Variants in KAZN observed in about 807,000 individuals in gnomAD.
The protein encoded by KAZN is kazrin.
Under a neutral mutation model 87.4 loss-of-function variants are expected in KAZN, and 40 were observed. The ratio of observed to expected loss-of-function variants is 0.46; its 90% CI spans 0.36 to 0.60. The LOEUF (loss-of-function observed/expected upper bound fraction) is 0.60. Among genes scored for constraint, KAZN ranks in the 20% least tolerant of loss-of-function variants. KAZN has a pLI of 0.00. For synonymous variants in KAZN, 466 were observed against 458.3 expected, an observed-to-expected ratio of 1.02 and a Z score of -0.22; for missense variants, 898 against 1,073.9, an observed-to-expected ratio of 0.84 and a Z score of 2.29.
chr1:14,255,755 G>A (rs1650460738), intron 2 of KAZN, among the ~76,000 whole-genome samples: 1 of 152,204 alleles, frequency 6.6e-6, no homozygotes, highest in African/African-American at 2.4e-5. Context: ...AGAACCCAGT[G>A]ACTGAGGTAG....
intron 1 of KAZN, among the ~76,000 whole-genome samples, chr1:14,701,449 CAA>C (rs781624168): frequency 1.0e-4 from 15 of 150,548 alleles, no homozygotes; most frequent in Non-Finnish European, 2.1e-4. Flanking sequence ...TTTTTAAAAA[CAA>C]GAGCAGTACC....
intron 1 of KAZN, among the ~76,000 whole-genome samples, chr1:14,899,295 C>T (rs536235080): frequency 5.9e-5 from 9 of 152,310 alleles, no homozygotes; most frequent in South Asian, 4.1e-4. Context: ...GTGACGTGTC[C>T]CCTCTGGGCC....
At chr1:14,532,181 G>A (rs991754402) in intron 2 of KAZN, among the ~76,000 whole-genome samples, 2 of 151,918 alleles carry the variant, frequency 1.3e-5, no homozygotes, top group African/African-American at 2.4e-5. Context: ...TTCTTTCCCA[G>A]CTGCTTCTTG....
chr1:14,004,931 C>G (rs1395919782), intron 1 of KAZN, among the ~76,000 whole-genome samples: 1 of 151,756 alleles, frequency 6.6e-6, no homozygotes, highest in Non-Finnish European at 1.5e-5. Flanking sequence ...TTAGTACACT[C>G]AGCCCCTCGC....
chr1:14,808,496 C>G (rs1646299402), intron 1 of KAZN, among the ~76,000 whole-genome samples: 2 of 151,276 alleles, frequency 1.3e-5, no homozygotes, highest in African/African-American at 4.9e-5. Context: ...CGGGGTTTCA[C>G]CATGTTGGCT....
intron 1 of KAZN, among the ~76,000 whole-genome samples, chr1:13,931,487 CATGT>C: frequency 6.6e-6 from 1 of 151,116 alleles, no homozygotes; most frequent in Non-Finnish European, 1.5e-5. Flanking sequence ...TGTGTGCATG[CATGT>C]GTGTGTGCAT....
intron 2 of KAZN, among the ~76,000 whole-genome samples, chr1:14,355,029 A>T (rs1658895203): frequency 6.6e-6 from 1 of 152,210 alleles, no homozygotes; most frequent in African/African-American, 2.4e-5. Flanking sequence ...AAAAAGAAAT[A>T]AACTGCTGAT....
Position 15,116,655 on chromosome 1 carries a change from A to T in KAZN, c.*2020A>T, listed in dbSNP as rs1244127708. Reference sequence around the variant, plus strand: ...CTCTCCCAAGCCACATCCAGCCTGGATGACCTGGGACCCCAGAAACTGCCG... The same window carrying T: ...CTCTCCCAAGCCACATCCAGCCTGGTTGACCTGGGACCCCAGAAACTGCCG... On this transcript the variant is annotated 3_prime_UTR_variant, in exon 15 of 15. Transcript: ENST00000376030. 1 of 152,210 alleles carries T rather than the reference A, an allele frequency of 6.6e-6. No individual in the cohort carries two copies. The highest frequency in any genetic ancestry group is 2.4e-5 in the African/African-American group (1 of 41,458). The allele number at this position is 152,210 out of a possible 1,614,324, so 9.4% of individuals were successfully genotyped here. A position where few individuals can be genotyped will look rare whatever the true frequency, so the allele number is the denominator to read the frequency against.
intron 1 of KAZN, among the ~76,000 whole-genome samples, chr1:14,922,529 T>C (rs1156750318): frequency 1.3e-5 from 2 of 152,088 alleles, no homozygotes; most frequent in East Asian, 3.9e-4. Flanking sequence ...TGCCGTCCTC[T>C]GGCGCAGTTA....
In KAZN at chr1:14,903,314, G is replaced by A. The variant is rs571123750; in HGVS notation, c.227-57370G>A. On this transcript the variant is annotated intron_variant, in intron 1 of 14. Transcript: ENST00000376030. ...TACGTTTCAAGAAAGAGGTTGTGAAGTGGCCCGCTTTGAGCAGTGTCCCTG... is the reference window on the plus strand; with the variant it reads ...TACGTTTCAAGAAAGAGGTTGTGAAATGGCCCGCTTTGAGCAGTGTCCCTG... 3.9e-5 allele frequency among the ~76,000 whole-genome samples: 6 copies of A among 152,346 alleles called. No individual in the cohort carries two copies. The South Asian group carries it at 1.2e-3, about 32-fold the overall frequency.
chr1:14,455,550 C>G (rs1667522713), intron 2 of KAZN, among the ~76,000 whole-genome samples: 2 of 152,114 alleles, frequency 1.3e-5, no homozygotes, highest in Admixed American at 1.3e-4. Context: ...TCTTTTCTAC[C>G]AGAATTGGGA....
chr1:14,747,157 A>T (rs1283467226), intron 1 of KAZN, among the ~76,000 whole-genome samples: 1 of 152,120 alleles, frequency 6.6e-6, no homozygotes. Flanking sequence ...GCATGTTCAG[A>T]GTTACCTTTC....
intron 1 of KAZN, among the ~76,000 whole-genome samples, chr1:14,004,831 G>A (rs1479242248): frequency 1.3e-5 from 2 of 152,152 alleles, no homozygotes; most frequent in African/African-American, 2.4e-5. Flanking sequence ...TCTCAGGAAT[G>A]GATTAATGGG....
At chr1:14,105,786 G>A (rs1297501671) in intron 1 of KAZN, among the ~76,000 whole-genome samples, 1 of 152,156 alleles carries the variant, frequency 6.6e-6, no homozygotes, top group Non-Finnish European at 1.5e-5. Context: ...AAGAGTCTCA[G>A]GTGCCACAGA....
At chr1:13,932,665 G>A (rs1400798177) in intron 1 of KAZN, among the ~76,000 whole-genome samples, 3 of 152,324 alleles carry the variant, frequency 2.0e-5, no homozygotes, top group Non-Finnish European at 4.4e-5. Flanking sequence ...GAGGGCATGA[G>A]ATAGTTGGCC....
intron 2 of KAZN, among the ~76,000 whole-genome samples, chr1:15,028,119 G>C (rs1011303525): frequency 3.3e-5 from 5 of 152,192 alleles, no homozygotes; most frequent in African/African-American, 1.2e-4. Flanking sequence ...GGCCACAGCT[G>C]GGCCCCTGGT....
At chr1:14,861,310 C>T (rs1650822055) in intron 1 of KAZN, among the ~76,000 whole-genome samples, 1 of 152,130 alleles carries the variant, frequency 6.6e-6, no homozygotes, top group African/African-American at 2.4e-5. Context: ...ACCCAGAAGG[C>T]AGAGGTTGCA....
Position 14,063,608 on chromosome 1 carries a change from A to G in KAZN, c.92-116827A>G, listed in dbSNP as rs867661591. Among the ~76,000 whole-genome samples, 4 of 152,296 alleles carry G rather than the reference A, an allele frequency of 2.6e-5. No individual in the cohort carries two copies. In the South Asian group the frequency reaches 8.3e-4, roughly 32 times the overall value. ...CCCAATATCACACCATCTATTCAGA[A>G]GTATTTAAAAGTACATTACGGTGGG... On this transcript the variant is annotated intron_variant, in intron 1 of 16. Transcript: ENST00000636203.
At chr1:15,065,815 C>T in intron 8 of KAZN, 62 bp downstream of exon 8, 1 of 1,592,684 alleles carries the variant, frequency 6.3e-7, no homozygotes, top group Non-Finnish European at 8.6e-7. Context: ...TCCCCTGCGC[C>T]TGCTGCCCGC....
Sources: allele counts gnomAD v4.1 joint callset (sites outside exome capture counted in the v4.1 genomes callset), GRCh38; gene constraint gnomAD v4.1.1; transcripts MANE v1.5; gene names NCBI Gene and HGNC (gene_info 2026-07-23, HGNC 2026-07-21).